SLC6A4: variants seen among roughly 807,000 people sequenced by gnomAD.
SLC6A4 encodes solute carrier family 6 member 4.
Under a neutral mutation model 73.4 loss-of-function variants are expected in SLC6A4, and 22 were observed. The observed-to-expected ratio is 0.30, with a 90% CI of 0.21 to 0.43. SLC6A4 has a LOEUF of 0.43. Among genes scored for constraint, SLC6A4 ranks in the 20% least tolerant of loss-of-function variants. The probability of loss-of-function intolerance (pLI) is 1.00; values close to 1 mark genes in which losing one functional copy is unlikely to be tolerated. For missense variants in SLC6A4, 593 were observed against 808.5 expected (o/e 0.73, Z 3.23); for synonymous variants, 270 against 315.5 (o/e 0.86, Z 1.53).
At chr17:30,213,029 T>C (rs1197278890) in intron 8 of SLC6A4, among the ~76,000 whole-genome samples, 162 bp from the exon 9 acceptor site, 2 of 152,082 alleles carry the variant, frequency 1.3e-5, no homozygotes, top group Non-Finnish European at 2.9e-5. Flanking sequence ...CCCTTCGCCT[T>C]CTCCCAGAAC....
chr17:30,217,139 T>G (rs1437635467), intron 6 of SLC6A4, 27 bp downstream of exon 6: 1 of 1,607,880 alleles, frequency 6.2e-7, no homozygotes, highest in Non-Finnish European at 8.5e-7. Context: ...TGGGCAGGCC[T>G]GGGTCAGCAG....
intron 8 of SLC6A4, among the ~76,000 whole-genome samples, chr17:30,213,362 G>A (rs556914693): frequency 8.7e-5 from 13 of 149,630 alleles, no homozygotes; most frequent in Non-Finnish European, 1.8e-4. Context: ...GAGTGCAGTG[G>A]CTTGATCTCA....
intron 12 of SLC6A4, 39 bp downstream of exon 12, chr17:30,209,104 G>T: frequency 7.1e-7 from 1 of 1,410,462 alleles, no homozygotes; most frequent in Non-Finnish European, 1.0e-6. Flanking sequence ...CTGGCTGATG[G>T]TGTAGAAGGG....
At chr17:30,204,383 T>C (rs1245060232) in intron 13 of SLC6A4, 1 of 152,146 alleles carries the variant, frequency 6.6e-6, no homozygotes, top group Non-Finnish European at 1.5e-5. Context: ...TAAGTCTAGG[T>C]GGAAGCCTTC....
At position 30,197,288 on chromosome 17, in the gene SLC6A4, G is replaced by T. The variant is rs897053427; in HGVS notation, c.*1168C>A. 1 of 152,384 alleles carries T rather than the reference G, an allele frequency of 6.6e-6. No homozygotes were observed. Among genetic ancestry groups the T allele is most frequent in the African/African-American group, 2.4e-5 (1 of 41,464 alleles). 9.4% of individuals were successfully genotyped at this position (152,384 alleles called of 1,614,324 possible). On this transcript the variant is annotated 3_prime_UTR_variant, in exon 15 of 15. Coordinates refer to ENST00000650711, the MANE Select transcript of SLC6A4 (RefSeq NM_001045.6). ...GGAGGGCTCACAATCGTGACCGCCA[G>T]CGAGCGGCGAGGTCCACGTAAGGCT...
intron 12 of SLC6A4, 69 bp from the exon 13 acceptor site, chr17:30,207,901 T>C: frequency 7.9e-6 from 9 of 1,145,374 alleles, no homozygotes; most frequent in South Asian, 1.3e-5. Context: ...TGTGCCCTGA[T>C]TCTCTGGGAG....
At chr17:30,199,120 A>T (rs1284138045) in intron 14 of SLC6A4, among the ~76,000 whole-genome samples, 28 of 152,218 alleles carry the variant, frequency 1.8e-4, no homozygotes, top group Admixed American at 1.8e-3. Context: ...TGAAATCATC[A>T]CTTCTAATGC....
intron 1 of SLC6A4, among the ~76,000 whole-genome samples, chr17:30,233,146 G>A (rs182327511): frequency 6.6e-6 from 1 of 152,316 alleles, no homozygotes; most frequent in African/African-American, 2.4e-5. Context: ...TGTCCCAAGT[G>A]TGGAGAAACA....
intron 1 of SLC6A4, among the ~76,000 whole-genome samples, chr17:30,223,405 T>C (rs1041955447): frequency 5.3e-5 from 8 of 152,178 alleles, no homozygotes; most frequent in African/African-American, 1.9e-4. Flanking sequence ...TTTGGGGTTT[T>C]TGGTGACTGC....
rs1459089712 is a variant in SLC6A4, at chr17:30,221,704, C to T, written c.255G>A (p.Lys85=). The T allele has an allele frequency of 6.2e-7, 1 of 1,614,220 alleles. No individual in the cohort carries two copies. The highest frequency in any genetic ancestry group is 8.5e-7 in the Non-Finnish European group (1 of 1,180,038). Residue 85 remains lysine (K), a synonymous_variant, in exon 3 of 15, where the codon AAG becomes AAA. Transcript: ENST00000650711. The part of the protein sequence containing the change: ...HQGERETWGK[K]VDFLLSVIGY... ...CAATCACTGAGAGAAGGAAATCCAC[C>T]TTCTTGCCCCAGGTCTCCCGTTCCC...
At chr17:30,214,996 C>CTT (rs1448249487) in intron 8 of SLC6A4, among the ~76,000 whole-genome samples, 1 of 23,780 alleles carries the variant, frequency 4.2e-5, no homozygotes, top group East Asian at 2.5e-3. Flanking sequence ...TCTTTCCTTC[C>CTT]TTCCTTTCTT....
chr17:30,215,499 A>G, intron 8 of SLC6A4, 112 bp downstream of exon 8: 1 of 850,054 alleles, frequency 1.2e-6, no homozygotes, highest in Non-Finnish European at 2.0e-6. Context: ...CAGTGGTATC[A>G]AGGCCTAAGC....
Position 30,198,380 on chromosome 17 carries a change from G to A in SLC6A4, c.*76C>T. 1.3e-6 allele frequency: 1 copy of A among 798,552 alleles called. No individual in the cohort carries two copies. Among genetic ancestry groups the A allele is most frequent in the South Asian group, 1.5e-5 (1 of 65,302 alleles). The allele number at this position is 798,552 out of a possible 1,614,324, so 49.5% of individuals were successfully genotyped here. A position where few individuals can be genotyped will look rare whatever the true frequency, so the allele number is the denominator to read the frequency against. ...TTAGCTGGAAACTCATTCACTTGGA[G>A]GGGAGAAGGCAGGCGTGCCTCATCA... On this transcript the variant is annotated 3_prime_UTR_variant, in exon 15 of 15. Coordinates refer to ENST00000650711, the MANE Select transcript of SLC6A4 (RefSeq NM_001045.6).
chr17:30,228,933 C>T (rs1367453138), intron 1 of SLC6A4, among the ~76,000 whole-genome samples: 1 of 152,246 alleles, frequency 6.6e-6, no homozygotes, highest in East Asian at 1.9e-4. Context: ...GTACAGCTCT[C>T]AGCATGGAGG....
At chr17:30,207,593 G>A (rs1906247683) in intron 13 of SLC6A4, 139 bp downstream of exon 13, 1 of 587,274 alleles carries the variant, frequency 1.7e-6, no homozygotes, top group Admixed American at 3.0e-5. Context: ...GTTTTGCCAT[G>A]TTGGCCGCCT....
intron 2 of SLC6A4, 70 bp from the exon 3 acceptor site, chr17:30,222,151 C>G: frequency 1.0e-6 from 1 of 967,658 alleles, no homozygotes; most frequent in East Asian, 2.6e-5. Flanking sequence ...ATTAACTCAT[C>G]ATACATCTTA....
At chr17:30,228,842 A>G (rs1907003580) in intron 1 of SLC6A4, among the ~76,000 whole-genome samples, 1 of 152,114 alleles carries the variant, frequency 6.6e-6, no homozygotes, top group South Asian at 2.1e-4. Context: ...TTTTATATAC[A>G]TTTGCTTCGT....
rs997495099 is a variant in SLC6A4, at chr17:30,197,389, T to C, written c.*1067A>G. The stretch of plus-strand genomic sequence containing the variant: ...AGGGTGCCAGATCTGTATAACCCAG[T>C]GCTAAACGAGAATCCGATTTACCCT... On this transcript the variant is annotated 3_prime_UTR_variant, in exon 15 of 15. Coordinates refer to ENST00000650711, the MANE Select transcript of SLC6A4 (RefSeq NM_001045.6). 4.6e-5 allele frequency: 7 copies of C among 152,290 alleles called. No homozygotes were observed. Among genetic ancestry groups the C allele is most frequent in the African/African-American group, 1.7e-4 (7 of 41,400 alleles). The allele number at this position is 152,290 out of a possible 1,614,324, so 9.4% of individuals were successfully genotyped here. A position where few individuals can be genotyped will look rare whatever the true frequency, so the allele number is the denominator to read the frequency against.
Position 30,196,519 on chromosome 17 carries a change from A to C in SLC6A4, c.*1937T>G, listed in dbSNP as rs1432241398. 6.6e-6 allele frequency: 1 copy of C among 152,332 alleles called. No homozygotes were observed. The highest frequency in any genetic ancestry group is 1.5e-5 in the Non-Finnish European group (1 of 68,036). 9.4% of individuals were successfully genotyped at this position (152,332 alleles called of 1,614,324 possible). On this transcript the variant is annotated 3_prime_UTR_variant, in exon 15 of 15. Coordinates refer to ENST00000650711, the MANE Select transcript of SLC6A4 (RefSeq NM_001045.6). ...TGTCTAAGTATGTGGGGTGGGGAGA[A>C]TCCATATCCGAATATCTTCATAAAG...
Sources: allele counts gnomAD v4.1 joint callset (sites outside exome capture counted in the v4.1 genomes callset), GRCh38; gene constraint gnomAD v4.1.1; transcripts MANE v1.5; gene names NCBI Gene and HGNC (gene_info 2026-07-23, HGNC 2026-07-21).